The following TPH1 variants were observed in gnomAD, a reference collection of about 807,000 sequenced individuals.
The protein encoded by TPH1 is tryptophan 5-hydroxylase 1.
Under a neutral mutation model 49.5 loss-of-function variants are expected in TPH1, and 37 were observed. The ratio of observed to expected loss-of-function variants is 0.75; its 90% CI spans 0.58 to 0.98. TPH1 has a LOEUF of 0.98. Among genes scored for constraint, TPH1 ranks in the 50% least tolerant of loss-of-function variants. The probability of loss-of-function intolerance (pLI) is 0.00; values close to 1 mark genes in which losing one functional copy is unlikely to be tolerated. For missense variants in TPH1, 487 were observed against 523.6 expected, an observed-to-expected ratio of 0.93 and a Z score of 0.68; for synonymous variants, 160 against 182.1, an observed-to-expected ratio of 0.88 and a Z score of 0.98.
At chr11:18,026,123 C>T (rs1300028217) in intron 7 of TPH1, among the ~76,000 whole-genome samples, 1 of 152,122 alleles carries the variant, frequency 6.6e-6, no homozygotes, top group Non-Finnish European at 1.5e-5. Flanking sequence ...CTCCATGGGA[C>T]TCAACACCAC....
At chr11:18,024,056 C>G (rs1854394221) in intron 8 of TPH1, 73 bp from the exon 9 acceptor site, 1 of 1,200,736 alleles carries the variant, frequency 8.3e-7, no homozygotes, top group South Asian at 1.2e-5. Context: ...TTCTTAGTCA[C>G]TGACCCAAAA....
rs747761970 is a variant in TPH1 at position 18,036,060 on chromosome 11, T to C, written c.200A>G (p.Asp67Gly). 1.2e-6 allele frequency: 2 copies of C among 1,612,628 alleles called. No individual in the cohort carries two copies. The highest frequency in any genetic ancestry group is 4.5e-5 in the East Asian group (2 of 44,814). The change falls in exon 3 of 11, where the codon GAC becomes GGC. Residue 67 changes from aspartate (D) to glycine (G), a missense_variant. Coordinates refer to ENST00000682019, the MANE Select transcript of TPH1 (RefSeq NM_004179.3). ...NSEFEIFVDC[D>G]INREQLNDIF... ...ATCATTCAATTGTTCTCTGTTGATG[T>C]CACAGTCAACAAAAATCTCAAATTC...
At chr11:18,021,850 C>T (rs904594739) in intron 10 of TPH1, among the ~76,000 whole-genome samples, 4 of 152,132 alleles carry the variant, frequency 2.6e-5, no homozygotes, top group Non-Finnish European at 4.4e-5. Flanking sequence ...GTCCAGGACT[C>T]CTAGGGATAA....
Position 18,019,442 on chromosome 11 carries a change from T to C in TPH1, c.*1549A>G, listed in dbSNP as rs1488552390. ...AGTTCCTTTATAGACCTGTTCAATT[T>C]GAGATGCTTGGCAGGGCTGTCATAT... On this transcript the variant is annotated 3_prime_UTR_variant, in exon 11 of 11. Transcript: ENST00000682019. 3 of 327,012 alleles carry C rather than the reference T, an allele frequency of 9.2e-6. No individual in the cohort carries two copies. In the East Asian group the frequency reaches 2.4e-4, roughly 27 times the overall value. 20.3% of individuals were successfully genotyped at this position (327,012 alleles called of 1,614,324 possible).
chr11:18,022,751 T>G (rs1424484892), intron 10 of TPH1, 47 bp downstream of exon 10: 1 of 1,606,504 alleles, frequency 6.2e-7, no homozygotes, highest in Admixed American at 1.7e-5. Flanking sequence ...ATAATGGGGC[T>G]GATCTTTCCC....
intron 2 of TPH1, among the ~76,000 whole-genome samples, chr11:18,040,229 C>A (rs931455091): frequency 5.4e-5 from 8 of 148,164 alleles, no homozygotes; most frequent in Non-Finnish European, 8.9e-5. Flanking sequence ...TTGTTTGTAT[C>A]CCTTGTTAGA....
Position 18,025,660 on chromosome 11 carries a change from G to A in TPH1, c.845C>T (p.Ala282Val). ...HELLGHVPLL[A>V]EPSFAQFSQE... ...GGAGAATTGGGCAAAACTAGGTTCA[G>A]CCAAAAGCGGGACATGACCTAAGAG... Residue 282 changes from alanine to valine, a missense_variant, in exon 8 of 11, where the codon GCT (alanine) becomes GTT (valine). Coordinates refer to ENST00000682019, the MANE Select transcript of TPH1 (RefSeq NM_004179.3). 6.2e-7 allele frequency: 1 copy of A among 1,614,022 alleles called. No homozygotes were observed.
intron 1 of TPH1, among the ~76,000 whole-genome samples, chr11:18,041,652 A>G (rs550629067): frequency 2.6e-5 from 4 of 152,376 alleles, no homozygotes; most frequent in Admixed American, 2.0e-4. Flanking sequence ...GAGATACATA[A>G]TTCAAAATTT....
At chr11:18,042,187 CAGG>C (rs1293533520) in intron 1 of TPH1, among the ~76,000 whole-genome samples, 13 of 152,178 alleles carry the variant, frequency 8.5e-5, no homozygotes, top group African/African-American at 2.9e-4. Flanking sequence ...GGATGAGAAG[CAGG>C]AGATCTTAAG....
intron 10 of TPH1, 92 bp from the exon 11 acceptor site, chr11:18,021,257 AAAAAAC>A: frequency 7.7e-7 from 1 of 1,298,134 alleles, no homozygotes; most frequent in Non-Finnish European, 1.1e-6. Context: ...CATACTAGGC[AAAAAAC>A]AAATTCTTGT....
At position 18,019,779 on chromosome 11, in the gene TPH1, G is replaced by A; in HGVS notation, c.*1212C>T. 6.6e-6 allele frequency: 3 copies of A among 456,374 alleles called. No individual in the cohort carries two copies. The highest frequency in any genetic ancestry group is 8.8e-6 in the Non-Finnish European group (2 of 226,832). 28.3% of individuals were successfully genotyped at this position (456,374 alleles called of 1,614,324 possible). On this transcript the variant is annotated 3_prime_UTR_variant, in exon 11 of 11. Transcript: ENST00000682019. ...GGGCAAATTAAAGAGACATAAGTTT[G>A]TATTTTGGAGTTCAGCTTCACCCAT...
intron 9 of TPH1, chr11:18,023,255 A>G (rs1366544300): frequency 3.0e-6 from 1 of 336,864 alleles, no homozygotes. Flanking sequence ...ATTCCTATGT[A>G]TGACTTATAT....
intron 1 of TPH1, among the ~76,000 whole-genome samples, 180 bp downstream of exon 1, chr11:18,046,061 C>G (rs538929590): frequency 1.3e-5 from 2 of 152,178 alleles, no homozygotes; most frequent in Non-Finnish European, 2.9e-5. Flanking sequence ...CCCCAAACAG[C>G]GTGGGAGGAA....
Position 18,021,176 on chromosome 11 carries a change from A to T in TPH1, c.1161-11T>A. 3.1e-6 allele frequency: 5 copies of T among 1,611,558 alleles called. No homozygotes were observed. The highest frequency in any genetic ancestry group is 4.2e-6 in the Non-Finnish European group (5 of 1,177,644). Reference sequence around the variant, plus strand: ...GTTTTGGTAAATTCTCTATTTAAGAAAACAAATAGGAGACAATCAATTTCT... The same window carrying T: ...GTTTTGGTAAATTCTCTATTTAAGATAACAAATAGGAGACAATCAATTTCT... On this transcript the variant is annotated splice_polypyrimidine_tract_variant and intron_variant, in intron 10 of 10. Coordinates refer to ENST00000682019, the MANE Select transcript of TPH1 (RefSeq NM_004179.3).
At position 18,018,829 on chromosome 11, in the gene TPH1, C is replaced by T. The variant is rs1457461220; in HGVS notation, c.*2162G>A. On this transcript the variant is annotated 3_prime_UTR_variant, in exon 11 of 11. Transcript: ENST00000682019. ...AAAATTCAATAAGTATGATTCTTCA[C>T]CGTTATCAAAGTTGTATGAAAATAA... The T allele has an allele frequency of 6.6e-6, 1 of 151,890 alleles. No individual in the cohort carries two copies. Among genetic ancestry groups the T allele is most frequent in the Non-Finnish European group, 1.5e-5 (1 of 67,988 alleles). 9.4% of individuals were successfully genotyped at this position (151,890 alleles called of 1,614,324 possible).
chr11:18,031,277 T>C (rs1222393340), intron 4 of TPH1, among the ~76,000 whole-genome samples: 2 of 152,228 alleles, frequency 1.3e-5, no homozygotes, highest in African/African-American at 2.4e-5. Context: ...GGTTCATCTA[T>C]GTTGTAGCAC....
In TPH1 at chr11:18,026,525, C is replaced by G. The variant is rs775436058; in HGVS notation, c.768G>C (p.Val256=). The change falls in exon 7 of 11, where the codon GTG becomes GTC. Residue 256 remains valine, a synonymous_variant. Transcript: ENST00000682019. ...AFRVFHCTQY[V]RHSSDPFYTP... is the part of the protein sequence containing the mutation. ...TATAGAAGGGATCTGAACTGTGTCT[C>G]ACATATTGAGTGCAGTGAAAAACTC... The G allele has an allele frequency of 9.3e-6, 15 of 1,613,168 alleles. No homozygotes were observed. The highest frequency in any genetic ancestry group is 1.0e-5 in the Non-Finnish European group (12 of 1,179,674).
chr11:18,043,790 C>G (rs1159787219), intron 1 of TPH1, among the ~76,000 whole-genome samples: 1 of 151,496 alleles, frequency 6.6e-6, no homozygotes, highest in Non-Finnish European at 1.5e-5. Context: ...TGCTTGAGCT[C>G]AGGAGTTCTA....
At position 18,036,094 on chromosome 11, in the gene TPH1, T is replaced by C. The variant is rs1353056755; in HGVS notation, c.166A>G (p.Arg56Gly). ...LHIESRKSKR[R>G]NSEFEIFVDC... ...ACAAAAATCTCAAATTCTGAGTTTC[T>C]TCTTTTTGATTTTCGGGACTCGATA... is the stretch of plus-strand genomic sequence containing the variant. Residue 56 changes from arginine (R) to glycine (G), a missense_variant, in exon 3 of 11, where the codon AGA (arginine) becomes GGA (glycine). By Grantham distance (125) the Arg-to-Gly change is moderately radical. Coordinates refer to ENST00000682019, the MANE Select transcript of TPH1 (RefSeq NM_004179.3). 2.5e-6 allele frequency: 4 copies of C among 1,613,450 alleles called. No individual in the cohort carries two copies. Among genetic ancestry groups the C allele is most frequent in the Non-Finnish European group, 3.4e-6 (4 of 1,179,882 alleles).
Sources: gnomAD v4.1 joint callset for allele counts (sites outside exome capture counted in the v4.1 genomes callset) on GRCh38, gnomAD v4.1.1 for gene constraint, MANE v1.5 for transcripts, NCBI Gene and HGNC (gene_info 2026-07-23, HGNC 2026-07-21) for gene names.